Variants in RPGRIP1 observed in about 807,000 individuals in gnomAD.
RPGRIP1 encodes RPGR interacting protein 1.
A neutral mutation model predicts 157.9 loss-of-function variants in RPGRIP1; 128 were observed. That is an observed-to-expected ratio of 0.81 (90% confidence interval 0.70 to 0.94). RPGRIP1 has a LOEUF of 0.94. Among genes scored for constraint, RPGRIP1 ranks in the 40% least tolerant of loss-of-function variants. The pLI is 0.00. For missense variants in RPGRIP1, 1,486 were observed against 1,545.8 expected, an observed-to-expected ratio of 0.96 and a Z score of 0.65; for synonymous variants, 554 against 571.6, an observed-to-expected ratio of 0.97 and a Z score of 0.44.
At chr14:21,319,926 T>C in intron 11 of RPGRIP1, 91 bp from the exon 12 acceptor site, 1 of 1,183,310 alleles carries the variant, frequency 8.5e-7, no homozygotes, top group Non-Finnish European at 1.2e-6. Context: ...AATTAAACCT[T>C]AGTGGGAAGA....
rs1191140365 is a variant in RPGRIP1, at chr14:21,330,278, A to G, written c.3129A>G (p.Ser1043=). ...TGAATTACACTGAGTGGAAGTTCTC[A>G]GAGACTAACAGCTTCATAGGTGATG... is the stretch of plus-strand genomic sequence containing the variant. ...EQVNYTEWKF[S]ETNSFIGDGF... Residue 1043 remains serine, a synonymous_variant, in exon 20 of 25, where the codon TCA becomes TCG. Coordinates refer to ENST00000400017, the MANE Select transcript of RPGRIP1 (RefSeq NM_020366.4). The G allele has an allele frequency of 6.3e-6, 10 of 1,574,900 alleles. No homozygotes were observed. The highest frequency in any genetic ancestry group is 7.7e-6 in the Non-Finnish European group (9 of 1,164,278).
chr14:21,312,828 C>A (rs1274906700), intron 10 of RPGRIP1, among the ~76,000 whole-genome samples: 1 of 151,236 alleles, frequency 6.6e-6, no homozygotes, highest in Non-Finnish European at 1.5e-5. Flanking sequence ...ATTTTTTTAA[C>A]CAGCAATTCC....
At chr14:21,332,150 G>T (rs1205723129) in intron 20 of RPGRIP1, among the ~76,000 whole-genome samples, 4 of 151,852 alleles carry the variant, frequency 2.6e-5, no homozygotes, top group African/African-American at 9.7e-5. Flanking sequence ...TGTTGTCCAG[G>T]CTGGTCTCGA....
In RPGRIP1 at chr14:21,325,950, C is replaced by A. The variant is rs1883046210; in HGVS notation, c.2487C>A (p.Phe829Leu). Residue 829 changes from phenylalanine (F) to leucine (L), a missense_variant, in exon 17 of 25, where the codon TTC becomes TTA. By Grantham distance (22) the Phe-to-Leu change is conservative. Coordinates refer to ENST00000400017, the MANE Select transcript of RPGRIP1 (RefSeq NM_020366.4). ...GTCCATATGCTGTGTACCGCTTCTT[C>A]ACCTTTTCTGACCATGACACTGCCA... ...QPSPYAVYRF[F>L]TFSDHDTAII... 3 of 1,613,898 alleles carry A rather than the reference C, an allele frequency of 1.9e-6. No individual in the cohort carries two copies. In the South Asian group the frequency reaches 3.3e-5, roughly 18 times the overall value.
Position 21,324,829 on chromosome 14 carries a change from C to A in RPGRIP1, c.1974C>A (p.Phe658Leu), listed in dbSNP as rs773927990. The A allele has an allele frequency of 1.2e-6, 2 of 1,613,948 alleles. No individual in the cohort carries two copies. The highest frequency in any genetic ancestry group is 1.7e-6 in the Non-Finnish European group (2 of 1,179,912). ...TQPTTFCTYS[F>L]YDFETHCTPL... ...CTACCACTTTCTGCACCTATTCCTTCTATGACTTTGAAACCCACTGTACCC... is the reference window on the plus strand; with the variant it reads ...CTACCACTTTCTGCACCTATTCCTTATATGACTTTGAAACCCACTGTACCC... Residue 658 changes from phenylalanine to leucine, a missense_variant, in exon 15 of 25, where the codon TTC becomes TTA. Physicochemically the swap from Phe to Leu is conservative, Grantham distance 22 (BLOSUM62 0). Coordinates refer to ENST00000400017, the MANE Select transcript of RPGRIP1 (RefSeq NM_020366.4).
At chr14:21,350,135 G>T (rs1886051914) in intron 24 of RPGRIP1, among the ~76,000 whole-genome samples, 1 of 152,136 alleles carries the variant, frequency 6.6e-6, no homozygotes, top group Admixed American at 6.5e-5. Context: ...CAGCACTTTG[G>T]GATGCCGAGA....
chr14:21,310,855 A>T, intron 8 of RPGRIP1: 1 of 676,462 alleles, frequency 1.5e-6, no homozygotes, highest in South Asian at 1.4e-5. Flanking sequence ...GGTATTTTTA[A>T]GCCTATTGCT....
chr14:21,297,873 C>CTTTCTTTCTTTT (rs1415395654), intron 3 of RPGRIP1, among the ~76,000 whole-genome samples: 54 of 150,872 alleles, frequency 3.6e-4, no homozygotes, highest in Non-Finnish European at 6.5e-4. Context: ...TTCTTTCTTT[C>CTTTCTTTCTTTT]TTTCTTTTTT....
intron 1 of RPGRIP1, among the ~76,000 whole-genome samples, chr14:21,284,951 T>C (rs1880248862): frequency 6.6e-6 from 1 of 152,082 alleles, no homozygotes; most frequent in Non-Finnish European, 1.5e-5. Flanking sequence ...TGTCATTCTC[T>C]CTCTTGTTCG....
At chr14:21,343,704 C>T (rs1167682911) in intron 22 of RPGRIP1, among the ~76,000 whole-genome samples, 2 of 151,758 alleles carry the variant, frequency 1.3e-5, no homozygotes, top group Non-Finnish European at 1.5e-5. Flanking sequence ...TTTGGCCAGG[C>T]TGGTCTCAAA....
Position 21,345,196 on chromosome 14 carries a change from C to G in RPGRIP1, c.3616C>G (p.His1206Asp), listed in dbSNP as rs1414989289. ...MLNGQDPDQG[H>D]LKFTVVSDPL... ...GAATGGACAAGATCCTGATCAAGGA[C>G]AGTAAGCATCTGCTTTCCACTTTGA... The change falls in exon 23 of 25, where the codon CAT becomes GAT. Residue 1206 changes from histidine (H) to aspartate (D), a missense_variant and splice_region_variant. Physicochemically the swap from His to Asp is moderately conservative, Grantham distance 81. Coordinates refer to ENST00000400017, the MANE Select transcript of RPGRIP1 (RefSeq NM_020366.4). 1 of 1,607,010 alleles carries G rather than the reference C, an allele frequency of 6.2e-7. No homozygotes were observed. The highest frequency in any genetic ancestry group is 1.3e-5 in the African/African-American group (1 of 74,848).
intron 10 of RPGRIP1, among the ~76,000 whole-genome samples, chr14:21,314,332 C>T (rs1465221936): frequency 1.3e-5 from 2 of 152,098 alleles, no homozygotes; most frequent in African/African-American, 4.8e-5. Flanking sequence ...GATCTGCCTG[C>T]CTTGGTCTCC....
At chr14:21,287,049 G>GAGGA (rs149606390) in intron 1 of RPGRIP1, among the ~76,000 whole-genome samples, 4,801 of 150,522 alleles carry the variant, frequency 0.032, 212 homozygotes, top group African/African-American at 0.095. Context: ...GAAAGAAAGA[G>GAGGA]AGGAAGGAAG....
Position 21,300,952 on chromosome 14 carries a change from C to T in RPGRIP1, c.219-14C>T. 1 of 1,610,776 alleles carries T rather than the reference C, an allele frequency of 6.2e-7. No individual in the cohort carries two copies. The highest frequency in any genetic ancestry group is 2.2e-5 in the East Asian group (1 of 44,832). On this transcript the variant is annotated splice_polypyrimidine_tract_variant and intron_variant, in intron 3 of 24. Transcript: ENST00000400017. ...GTCATGAAAGGAGAAGCCACGTGCT[C>T]TATTTGTCCACAGGCTGAGGACCAC...
chr14:21,281,939 CA>C (rs1371667161), intron 1 of RPGRIP1, among the ~76,000 whole-genome samples: 3 of 151,174 alleles, frequency 2.0e-5, no homozygotes, highest in East Asian at 3.9e-4. Context: ...CTAAAAAATA[CA>C]AAAAATTAGC....
At chr14:21,291,961 T>C (rs1880548868) in intron 2 of RPGRIP1, among the ~76,000 whole-genome samples, 1 of 152,170 alleles carries the variant, frequency 6.6e-6, no homozygotes, top group South Asian at 2.1e-4. Context: ...GGTTTCACCA[T>C]GTTGGTCACG....
intron 1 of RPGRIP1, among the ~76,000 whole-genome samples, chr14:21,286,147 G>A (rs1052568707): frequency 1.3e-5 from 2 of 151,938 alleles, no homozygotes; most frequent in Non-Finnish European, 2.9e-5. Context: ...CCGCCACCAC[G>A]CCCGGCTAAT....
chr14:21,306,577 G>A (rs181208692), intron 6 of RPGRIP1, among the ~76,000 whole-genome samples: 1 of 151,728 alleles, frequency 6.6e-6, no homozygotes, highest in Admixed American at 6.6e-5. Context: ...TCCTGCCTCA[G>A]CCTCCCGAGT....
rs542030078 is a variant in RPGRIP1, at chr14:21,324,720, A to G, written c.1865A>G (p.His622Arg). The change falls in exon 15 of 25, where the codon CAT (histidine) becomes CGT (arginine). Residue 622 changes from histidine (H) to arginine (R), a missense_variant. Transcript: ENST00000400017. ...GATAAAGTGGATATTTCTCTGCTGC[A>G]TCAGGGTGAGAATCTTTTTGAACTG... Reference protein sequence around the residue: ...DEDKVDISLLHQGENLFELHI... With the variant: ...DEDKVDISLLRQGENLFELHI... 3 of 1,614,044 alleles carry G rather than the reference A, an allele frequency of 1.9e-6. No homozygotes were observed. The highest frequency in any genetic ancestry group is 1.1e-5 in the South Asian group (1 of 91,088).
Sources: gnomAD v4.1 joint callset for allele counts (sites outside exome capture counted in the v4.1 genomes callset) on GRCh38, gnomAD v4.1.1 for gene constraint, MANE v1.5 for transcripts, NCBI Gene and HGNC (gene_info 2026-07-23, HGNC 2026-07-21) for gene names.